WRAP73: variants seen among roughly 807,000 people sequenced by gnomAD.
WRAP73 encodes the protein WD repeat containing, antisense to TP73.
Under a neutral mutation model 59.6 loss-of-function variants are expected in WRAP73, and 55 were observed. That is an observed-to-expected ratio of 0.92 (90% CI 0.74 to 1.15). The LOEUF (loss-of-function observed/expected upper bound fraction) is 1.15, where lower values mean the gene tolerates loss of function less well. Ranked by LOEUF, WRAP73 falls within the 50% of genes most tolerant of loss-of-function variation. WRAP73 has a pLI of 0.00. For synonymous variants in WRAP73, 265 were observed against 258.2 expected, an observed-to-expected ratio of 1.03 and a Z score of -0.25; for missense variants, 592 against 608.1, an observed-to-expected ratio of 0.97 and a Z score of 0.28.
chr1:3,638,826 T>C lies in WRAP73; in HGVS notation c.340-4A>G, dbSNP rs375409348. ...AGGACCAGACGGTTATCCGCAGCTG[T>C]TGGGGGAAAGGGGAAAGAGAAAGGA... On this transcript the variant is annotated splice_region_variant and splice_polypyrimidine_tract_variant and intron_variant, in intron 3 of 11. Coordinates refer to ENST00000270708, the MANE Select transcript of WRAP73 (RefSeq NM_017818.4). 69 of 1,613,760 alleles carry C rather than the reference T, an allele frequency of 4.3e-5. No homozygotes were observed. Among genetic ancestry groups the C allele is most frequent in the Non-Finnish European group, 5.8e-5 (68 of 1,179,886 alleles).
chr1:3,634,656 G>A (rs1043979063), intron 8 of WRAP73: 6 of 333,380 alleles, frequency 1.8e-5, no homozygotes, highest in African/African-American at 1.1e-4. Flanking sequence ...TGCCTGGCAC[G>A]ACAGCAGATG....
chr1:3,648,969 C>G (rs1041712423), intron 1 of WRAP73, among the ~76,000 whole-genome samples: 2 of 152,182 alleles, frequency 1.3e-5, no homozygotes, highest in African/African-American at 4.8e-5. Context: ...AAAAGCTAGA[C>G]AGAGCACAGG....
chr1:3,638,311 G>C (rs940188014), intron 4 of WRAP73, among the ~76,000 whole-genome samples: 1 of 152,216 alleles, frequency 6.6e-6, no homozygotes, highest in African/African-American at 2.4e-5. Flanking sequence ...ATATCCCTCT[G>C]GGATGCCCAG....
chr1:3,647,438 C>T lies in WRAP73; in HGVS notation c.192G>A (p.Leu64=), dbSNP rs368082697. The part of the protein sequence containing the change: ...IEWSADSLFI[L]CAMYKRGLVQ... ...CCAGCCCTCGCTTGTACATGGCGCA[C>T]AGGATGAAGAGCGAGTCTGCCGACC... The change falls in exon 2 of 12, where the codon CTG becomes CTA. Residue 64 remains leucine (L), a synonymous_variant. Transcript: ENST00000270708. 115 of 1,613,650 alleles carry T rather than the reference C, an allele frequency of 7.1e-5. No homozygotes were observed. Among genetic ancestry groups the T allele is most frequent in the Non-Finnish European group, 9.4e-5 (111 of 1,179,892 alleles).
chr1:3,631,772 T>G, intron 10 of WRAP73, 115 bp from the exon 11 acceptor site: 1 of 1,457,770 alleles, frequency 6.9e-7, no homozygotes. Context: ...ACCGGTGGGG[T>G]GGGGCGGCTG....
chr1:3,635,911 G>A (rs149838921), intron 6 of WRAP73, 33 bp downstream of exon 6: 32 of 1,585,720 alleles, frequency 2.0e-5, no homozygotes, highest in East Asian at 2.0e-4. Flanking sequence ...AAAAGCTCTC[G>A]AAAGCAAACA....
intron 1 of WRAP73, among the ~76,000 whole-genome samples, chr1:3,648,657 A>G (rs1437730208): frequency 6.6e-6 from 1 of 152,272 alleles, no homozygotes; most frequent in East Asian, 1.9e-4. Flanking sequence ...GATTCCAGTA[A>G]CAGATCATTA....
chr1:3,649,880 G>A, intron 1 of WRAP73, 51 bp downstream of exon 1: 1 of 1,548,656 alleles, frequency 6.5e-7, no homozygotes, highest in Non-Finnish European at 8.7e-7. Context: ...GCCCGCCGGG[G>A]ACGCTGGCAC....
At chr1:3,636,911 C>G (rs1209908635) in intron 5 of WRAP73, 84 bp downstream of exon 5, 1 of 1,370,982 alleles carries the variant, frequency 7.3e-7, no homozygotes, top group Non-Finnish European at 1.0e-6. Flanking sequence ...TACCAAAGAT[C>G]CCCTGGAATC....
chr1:3,638,165 C>T (rs1403401427), intron 4 of WRAP73, among the ~76,000 whole-genome samples: 2 of 152,218 alleles, frequency 1.3e-5, no homozygotes, highest in East Asian at 1.9e-4. Context: ...AGTGCGGTGT[C>T]GTCCAGGACT....
chr1:3,632,675 T>C, intron 9 of WRAP73: 1 of 360,754 alleles, frequency 2.8e-6, no homozygotes, highest in Non-Finnish European at 5.3e-6. Flanking sequence ...TTCTGTCGAC[T>C]ACCAGCATCT....
chr1:3,640,622 CG>C (rs1206021328), intron 3 of WRAP73, among the ~76,000 whole-genome samples: 6 of 136,834 alleles, frequency 4.4e-5, no homozygotes, highest in African/African-American at 1.4e-4. Context: ...GTCAGCAGGG[CG>C]GGGTGGAGCG....
rs116222510 is a variant in WRAP73, at chr1:3,646,061, C to G, written c.339+605G>C. Among the ~76,000 whole-genome samples, 384 of 152,350 alleles carry G rather than the reference C, an allele frequency of 2.5e-3. 1 individual carries two copies. The highest frequency in any genetic ancestry group is 3.6e-3 in the Non-Finnish European group (246 of 68,026). On this transcript the variant is annotated intron_variant, in intron 3 of 11. Transcript: ENST00000270708. This position sits in a 1 kb window ranked among gnomAD's most constrained non-coding sequence, Gnocchi z 5.1. ...ATAATACTTAGTGGCTTATAATGCT[C>G]TGACCTAAAATATACACACCACTAT...
At position 3,635,558 on chromosome 1, in the gene WRAP73, C is replaced by T. The variant is rs542803323; in HGVS notation, c.604-264G>A. The T allele has an allele frequency of 1.9e-5, 10 of 536,962 alleles. No homozygotes were observed. The South Asian group carries it at 2.0e-4, about 10-fold the overall frequency. 33.3% of individuals were successfully genotyped at this position (536,962 alleles called of 1,614,324 possible). A position where few individuals can be genotyped will look rare whatever the true frequency, so the allele number is the denominator to read the frequency against. On this transcript the variant is annotated intron_variant, in intron 6 of 11. Transcript: ENST00000270708. ...CAACTCGGCCGGGCACTGTGGCTCA[C>T]GCCTGTAATCCCAGCACTTTGGGAG...
intron 5 of WRAP73, chr1:3,636,381 C>T: frequency 6.2e-6 from 2 of 321,728 alleles, no homozygotes; most frequent in South Asian, 5.7e-5. Flanking sequence ...CTCACCTTTC[C>T]TTGCCTGGCC....
chr1:3,630,911 T>C lies in WRAP73; in HGVS notation c.*64A>G. On this transcript the variant is annotated 3_prime_UTR_variant, in exon 12 of 12. Coordinates refer to ENST00000270708, the MANE Select transcript of WRAP73 (RefSeq NM_017818.4). ...ACAGTGGAGAACCTCCTGGTGAAGC[T>C]GTGTTTTTTCCCACACTGGAAACAC... is the stretch of plus-strand genomic sequence containing the variant. 6.4e-7 allele frequency: 1 copy of C among 1,561,160 alleles called. No homozygotes were observed.
chr1:3,642,642 C>T (rs1644656920), intron 3 of WRAP73, among the ~76,000 whole-genome samples: 1 of 150,444 alleles, frequency 6.6e-6, no homozygotes, highest in South Asian at 2.1e-4. Flanking sequence ...GAGGCTGAGG[C>T]AGGAAAATCG....
rs75985362 is a variant in WRAP73 at position 3,646,303 on chromosome 1, G to C, written c.339+363C>G. 8.4e-3 allele frequency among the ~76,000 whole-genome samples: 1,274 copies of C among 152,272 alleles called. 19 individuals carry two copies. Among genetic ancestry groups the C allele is most frequent in the African/African-American group, 0.028 (1,164 of 41,544 alleles). On this transcript the variant is annotated intron_variant, in intron 3 of 11. Transcript: ENST00000270708. The surrounding 1 kb of genome is among the most constrained non-coding windows in gnomAD (Gnocchi z 5.1). ...AAATGACGAGCTGAAAGTTCTTGAC[G>C]CAACAAGGAAAGAAAAAATCCTATG...
Position 3,637,722 on chromosome 1 carries a change from T to G in WRAP73, c.413-624A>C, listed in dbSNP as rs551268320. ...GATGGTGTGTGCCTGTAGTCCCAGC[T>G]ACTCAGGAGGCTGAGGTGAGAGGAT... On this transcript the variant is annotated intron_variant, in intron 4 of 11. Coordinates refer to ENST00000270708, the MANE Select transcript of WRAP73 (RefSeq NM_017818.4). Among the ~76,000 whole-genome samples the G allele has an allele frequency of 2.0e-5, 3 of 152,236 alleles. No homozygotes were observed. The South Asian group carries it at 6.2e-4, about 32-fold the overall frequency.
Sources: allele counts gnomAD v4.1 joint callset (sites outside exome capture counted in the v4.1 genomes callset), GRCh38; gene constraint gnomAD v4.1.1; non-coding constraint Gnocchi (gnomAD v3.1); transcripts MANE v1.5; gene names NCBI Gene and HGNC (gene_info 2026-07-23, HGNC 2026-07-21).